Variants in DLGAP2 observed in about 807,000 individuals in gnomAD.
DLGAP2 encodes the protein DLG associated protein 2.
In DLGAP2, 26 loss-of-function variants were observed where a neutral mutation model predicts 100.3. The ratio of observed to expected loss-of-function variants is 0.26; its 90% CI spans 0.19 to 0.36. The LOEUF (loss-of-function observed/expected upper bound fraction) is 0.36, where lower values mean the gene tolerates loss of function less well. Among genes scored for constraint, DLGAP2 ranks in the 10% least tolerant of loss-of-function variants. The probability of loss-of-function intolerance (pLI) is 1.00; values close to 1 mark genes in which losing one functional copy is unlikely to be tolerated. For missense variants in DLGAP2, 1,858 were observed against 1,453.2 expected (o/e 1.28, Z -4.53); for synonymous variants, 886 against 630.1 (o/e 1.41, Z -6.08).
intron 2 of DLGAP2, among the ~76,000 whole-genome samples, chr8:1,061,466 T>C (rs1389621973): frequency 2.0e-5 from 3 of 152,166 alleles, no homozygotes. Flanking sequence ...GTTATAACTC[T>C]GCAGCCCATG....
chr8:1,363,247 A>T (rs1461447935), intron 3 of DLGAP2, among the ~76,000 whole-genome samples: 1 of 152,224 alleles, frequency 6.6e-6, no homozygotes, highest in Non-Finnish European at 1.5e-5. Flanking sequence ...CACAGGCAGC[A>T]TCCCGAAAGC....
At chr8:1,591,495 G>A (rs144288879) in intron 6 of DLGAP2, among the ~76,000 whole-genome samples, 8 of 151,822 alleles carry the variant, frequency 5.3e-5, no homozygotes, top group Non-Finnish European at 1.2e-4. Context: ...TTTCTAACAT[G>A]GAGAGATGGC....
intron 13 of DLGAP2, among the ~76,000 whole-genome samples, chr8:1,695,330 A>T (rs1238907022): frequency 7.8e-5 from 10 of 128,912 alleles, no homozygotes; most frequent in South Asian, 2.5e-4. Flanking sequence ...GGGCACAGCC[A>T]TGCCCGGCCC....
At chr8:1,687,260 A>G (rs1415984393) in intron 12 of DLGAP2, among the ~76,000 whole-genome samples, 1 of 152,228 alleles carries the variant, frequency 6.6e-6, no homozygotes, top group Non-Finnish European at 1.5e-5. Context: ...CCAAATTTAG[A>G]TAGAATTGGA....
intron 3 of DLGAP2, among the ~76,000 whole-genome samples, chr8:1,388,985 G>T (rs1332702337): frequency 7.3e-6 from 1 of 137,078 alleles, no homozygotes; most frequent in Non-Finnish European, 1.5e-5. Context: ...GGAGGCGCTG[G>T]TTCAGGTGTC....
At chr8:1,206,896 C>T (rs181543110) in intron 2 of DLGAP2, among the ~76,000 whole-genome samples, 138 of 152,232 alleles carry the variant, frequency 9.1e-4, no homozygotes, top group Non-Finnish European at 1.7e-3. Context: ...CCCCGGTCTG[C>T]CCCCGGCCCC....
rs1319246408 is a variant in DLGAP2, at chr8:1,417,639, G to GC, written c.107-83726dup. The stretch of plus-strand genomic sequence containing the variant: ...TCACTGCGTGGCCGCCTCCAGGGGG[G>GC]CACGGGGAGCCCCACTCCTGCCTCA... On this transcript the variant is annotated intron_variant, in intron 3 of 14. Coordinates refer to ENST00000637795, the MANE Select transcript of DLGAP2 (RefSeq NM_001346810.2). Among the ~76,000 whole-genome samples, 7 of 114,312 alleles carry GC rather than the reference G, an allele frequency of 6.1e-5. 1 individual carries two copies. Among genetic ancestry groups the GC allele is most frequent in the South Asian group, 5.5e-4 (2 of 3,608 alleles). The allele number at this position is 114,312 out of a possible 152,430, so 75.0% of individuals were successfully genotyped here. A position where few individuals can be genotyped will look rare whatever the true frequency, so the allele number is the denominator to read the frequency against.
At chr8:1,231,409 C>A (rs1397436612) in intron 2 of DLGAP2, among the ~76,000 whole-genome samples, 1 of 152,136 alleles carries the variant, frequency 6.6e-6, no homozygotes, top group Non-Finnish European at 1.5e-5. Flanking sequence ...TTAGTTCAGC[C>A]ATAGTGGAAA....
chr8:1,465,261 C>T (rs527805278), intron 3 of DLGAP2, among the ~76,000 whole-genome samples: 28 of 152,356 alleles, frequency 1.8e-4, no homozygotes, highest in African/African-American at 6.5e-4. Context: ...TGGAGTGGCT[C>T]CCGAAACTCT....
At chr8:973,492 G>A (rs1267852423) in intron 2 of DLGAP2, among the ~76,000 whole-genome samples, 9 of 151,774 alleles carry the variant, frequency 5.9e-5, no homozygotes, top group Non-Finnish European at 2.9e-5. Flanking sequence ...GGGGCAGGAG[G>A]CGCACCCCAC....
chr8:790,965 A>T (rs1034620482), intron 1 of DLGAP2, among the ~76,000 whole-genome samples: 1 of 152,024 alleles, frequency 6.6e-6, no homozygotes, highest in South Asian at 2.1e-4. Flanking sequence ...GTGGTCTAGA[A>T]CCCCTGACTT....
At chr8:1,133,743 C>T (rs1796344835) in intron 2 of DLGAP2, among the ~76,000 whole-genome samples, 1 of 151,968 alleles carries the variant, frequency 6.6e-6, no homozygotes, top group Non-Finnish European at 1.5e-5. Flanking sequence ...AATCTAAAAC[C>T]AGACTTTGAT....
At chr8:762,635 G>A (rs1386342043) in intron 1 of DLGAP2, among the ~76,000 whole-genome samples, 1 of 152,090 alleles carries the variant, frequency 6.6e-6, no homozygotes, top group East Asian at 1.9e-4. Context: ...TGACTCTTGA[G>A]GTCCACTGAA....
intron 1 of DLGAP2, among the ~76,000 whole-genome samples, chr8:895,032 T>G (rs1055883980): frequency 6.2e-4 from 7 of 11,302 alleles, no homozygotes; most frequent in African/African-American, 1.6e-3. Context: ...AGTGGGGTGG[T>G]GGCTGGCAGG....
chr8:1,479,447 G>A (rs1165622710), intron 3 of DLGAP2, among the ~76,000 whole-genome samples: 1 of 152,150 alleles, frequency 6.6e-6, no homozygotes. Flanking sequence ...AAAACACAGC[G>A]GCACATTTAG....
intron 6 of DLGAP2, among the ~76,000 whole-genome samples, chr8:1,578,023 C>T (rs1803064612): frequency 6.6e-6 from 1 of 152,230 alleles, no homozygotes; most frequent in South Asian, 2.1e-4. Context: ...TTATCTTATA[C>T]CCAAAGTCTG....
intron 3 of DLGAP2, among the ~76,000 whole-genome samples, chr8:1,361,715 G>C (rs1201717835): frequency 6.6e-6 from 1 of 152,232 alleles, no homozygotes; most frequent in Non-Finnish European, 1.5e-5. Flanking sequence ...GCCCTACACG[G>C]TAACTGAGCT....
At chr8:1,415,247 C>CT (rs1436052190) in intron 3 of DLGAP2, among the ~76,000 whole-genome samples, 1 of 152,136 alleles carries the variant, frequency 6.6e-6, no homozygotes, top group Non-Finnish European at 1.5e-5. Flanking sequence ...GGATACAAAA[C>CT]TTTCACTTTT....
intron 8 of DLGAP2, among the ~76,000 whole-genome samples, chr8:1,636,721 C>G (rs1240807557): frequency 6.6e-6 from 1 of 152,206 alleles, no homozygotes; most frequent in African/African-American, 2.4e-5. Context: ...TTGCCTCAAC[C>G]TTCTTCTGAT....
Sources: allele counts gnomAD v4.1 joint callset (sites outside exome capture counted in the v4.1 genomes callset), GRCh38; gene constraint gnomAD v4.1.1; transcripts MANE v1.5; gene names NCBI Gene and HGNC (gene_info 2026-07-23, HGNC 2026-07-21).